Variants in RANBP17 observed in about 807,000 individuals in gnomAD.
RANBP17 encodes ran-binding protein 17.
RANBP17 carries 158 observed loss-of-function variants against 141.2 expected under a neutral mutation model. The observed-to-expected ratio is 1.12, with a 90% confidence interval of 0.98 to 1.28. RANBP17 has a LOEUF of 1.28. Among genes scored for constraint, RANBP17 ranks in the 50% most tolerant of loss-of-function variants. The pLI, the probability that RANBP17 is intolerant of heterozygous loss-of-function variation, is 0.00. For missense variants in RANBP17, 1,438 were observed against 1,290.7 expected (o/e 1.11, Z -1.75); for synonymous variants, 430 against 450.0 (o/e 0.96, Z 0.56).
At chr5:171,090,991 G>A (rs373013751) in intron 14 of RANBP17, among the ~76,000 whole-genome samples, 4 of 152,234 alleles carry the variant, frequency 2.6e-5, no homozygotes, top group African/African-American at 4.8e-5. Context: ...GAAATGTGGG[G>A]TCAGAGCTCC....
intron 14 of RANBP17, among the ~76,000 whole-genome samples, chr5:171,126,439 C>T (rs184904981): frequency 2.4e-4 from 37 of 152,100 alleles, no homozygotes; most frequent in Middle Eastern, 3.4e-3. Context: ...AACCAAACCC[C>T]AAATTAGTTG....
chr5:170,867,799 G>GT (rs1259073331), intron 1 of RANBP17, among the ~76,000 whole-genome samples: 2 of 152,142 alleles, frequency 1.3e-5, no homozygotes, highest in Admixed American at 1.3e-4. Flanking sequence ...AATTGGATGG[G>GT]TTTTGCCATA....
intron 14 of RANBP17, among the ~76,000 whole-genome samples, chr5:170,972,642 T>C (rs540396800): frequency 3.2e-4 from 48 of 152,338 alleles, no homozygotes; most frequent in Non-Finnish European, 4.1e-4. Flanking sequence ...TTTTCAATTT[T>C]TACAAACAAT....
intron 14 of RANBP17, among the ~76,000 whole-genome samples, chr5:171,042,157 G>T (rs904638065): frequency 6.6e-6 from 1 of 151,800 alleles, no homozygotes; most frequent in South Asian, 2.1e-4. Context: ...TGGGCATTAG[G>T]GTTGATTCCA....
chr5:170,890,871 TTA>T lies in RANBP17; in HGVS notation c.257-1514_257-1513del, dbSNP rs575124721. Among the ~76,000 whole-genome samples, 282 of 152,282 alleles carry T rather than the reference TTA, an allele frequency of 1.9e-3. 1 individual carries two copies. Among genetic ancestry groups the T allele is most frequent in the Non-Finnish European group, 2.7e-3 (185 of 68,018 alleles). On this transcript the variant is annotated intron_variant, in intron 3 of 27. Transcript: ENST00000523189. Reference sequence around the variant, plus strand: ...TATTTATTTTATCATATTATACTGTTTATGTTTGTTTTTGGTGGGACGGGATC... The same window carrying T: ...TATTTATTTTATCATATTATACTGTTTGTTTGTTTTTGGTGGGACGGGATC...
intron 18 of RANBP17, among the ~76,000 whole-genome samples, chr5:171,191,830 G>A (rs1427424767): frequency 6.6e-6 from 1 of 152,124 alleles, no homozygotes; most frequent in African/African-American, 2.4e-5. Context: ...TTATCAACCA[G>A]TGGAGAAATA....
At chr5:171,209,285 G>A (rs72827575) in intron 20 of RANBP17, among the ~76,000 whole-genome samples, 18,327 of 152,204 alleles carry the variant, frequency 0.12, 1,429 homozygotes, top group East Asian at 0.16. Flanking sequence ...TCATTTCATG[G>A]TTGGAAATGT....
At chr5:171,015,826 G>A (rs1780388618) in intron 14 of RANBP17, among the ~76,000 whole-genome samples, 1 of 152,094 alleles carries the variant, frequency 6.6e-6, no homozygotes, top group African/African-American at 2.4e-5. Flanking sequence ...AGTACTTGAT[G>A]CACCATGAAT....
intron 7 of RANBP17, among the ~76,000 whole-genome samples, chr5:170,913,307 A>G (rs989428278): frequency 6.6e-6 from 1 of 151,952 alleles, no homozygotes; most frequent in Non-Finnish European, 1.5e-5. Context: ...AAAGTTAAGG[A>G]GCAACCAGTT....
chr5:170,962,543 A>G (rs3849711), intron 13 of RANBP17, among the ~76,000 whole-genome samples: 90,889 of 151,680 alleles, frequency 0.6, 28,968 homozygotes, highest in South Asian at 0.88. Flanking sequence ...TTGACAAATC[A>G]CTTGGCTCCA....
intron 1 of RANBP17, among the ~76,000 whole-genome samples, chr5:170,874,548 T>C (rs986852670): frequency 9.9e-5 from 15 of 152,050 alleles, no homozygotes; most frequent in African/African-American, 3.6e-4. Flanking sequence ...GATAGCTCAT[T>C]ATGTTGAATT....
rs1248589001 is a variant in RANBP17 at position 170,955,662 on chromosome 5, A to ATG, written c.1574+1961_1574+1962insGT. On this transcript the variant is annotated intron_variant, in intron 13 of 27. Coordinates refer to ENST00000523189, the MANE Select transcript of RANBP17 (RefSeq NM_022897.5). Reference sequence around the variant, plus strand: ...ATATGCTCAGTGTATATATATATATATATATATATATATATATATACACTG... The same window carrying ATG: ...ATATGCTCAGTGTATATATATATATATGTATATATATATATATATATACACTG... 3.4e-5 allele frequency among the ~76,000 whole-genome samples: 2 copies of ATG among 59,030 alleles called. 1 individual carries two copies. Among genetic ancestry groups the ATG allele is most frequent in the Non-Finnish European group, 7.4e-5 (2 of 26,916 alleles). The allele number at this position is 59,030 out of a possible 152,430, so 38.7% of individuals were successfully genotyped here.
chr5:171,129,778 C>T (rs1207236210), intron 14 of RANBP17, among the ~76,000 whole-genome samples: 1 of 152,118 alleles, frequency 6.6e-6, no homozygotes, highest in African/African-American at 2.4e-5. Context: ...TGACTTTGTC[C>T]TAGACTGACC....
At chr5:171,121,319 C>T (rs1756015115) in intron 14 of RANBP17, among the ~76,000 whole-genome samples, 1 of 152,238 alleles carries the variant, frequency 6.6e-6, no homozygotes, top group African/African-American at 2.4e-5. Flanking sequence ...CCAGGGGCAG[C>T]CTGTGGGGCT....
intron 14 of RANBP17, among the ~76,000 whole-genome samples, chr5:171,009,025 G>A (rs1213432459): frequency 6.6e-6 from 1 of 152,168 alleles, no homozygotes; most frequent in Admixed American, 6.5e-5. Flanking sequence ...ACTGCTAAAT[G>A]TTCATTTCAA....
intron 13 of RANBP17, among the ~76,000 whole-genome samples, chr5:170,960,596 TC>T (rs776759948): frequency 1.4e-4 from 22 of 152,192 alleles, no homozygotes; most frequent in Non-Finnish European, 3.1e-4. Context: ...AGTCCACCTA[TC>T]CTATCTCCTC....
At chr5:171,023,889 G>C (rs1454933581) in intron 14 of RANBP17, among the ~76,000 whole-genome samples, 1 of 152,130 alleles carries the variant, frequency 6.6e-6, no homozygotes, top group East Asian at 1.9e-4. Flanking sequence ...TTCACTGGCT[G>C]TTTGCTCTTG....
intron 2 of RANBP17, among the ~76,000 whole-genome samples, chr5:170,878,513 T>C (rs913803567): frequency 2.0e-5 from 3 of 152,100 alleles, no homozygotes; most frequent in Admixed American, 6.6e-5. Flanking sequence ...CTCATATTAG[T>C]GGGCAAATTT....
At chr5:170,910,426 A>G (rs1022473511) in intron 6 of RANBP17, 1 of 152,748 alleles carries the variant, frequency 6.5e-6, no homozygotes, top group Non-Finnish European at 1.5e-5. Context: ...AGACCCAAAG[A>G]CCTTCTATTA....
Sources: allele counts gnomAD v4.1 joint callset (sites outside exome capture counted in the v4.1 genomes callset), GRCh38; gene constraint gnomAD v4.1.1; transcripts MANE v1.5; gene names NCBI Gene and HGNC (gene_info 2026-07-23, HGNC 2026-07-21).